Variants in PSG8 observed in about 807,000 individuals in gnomAD.
PSG8 encodes the protein pregnancy specific beta-1-glycoprotein 8, also known as pregnancy-specific beta-1-glycoprotein 8.
In PSG8, 57 loss-of-function variants were observed where a neutral mutation model predicts 42.5. The ratio of observed to expected loss-of-function variants is 1.34; its 90% CI spans 1.08 to 1.67. PSG8 has a LOEUF of 1.67. Among genes scored for constraint, PSG8 ranks in the 40% most tolerant of loss-of-function variants. PSG8 has a pLI of 0.00. For missense variants in PSG8, 783 were observed against 518.6 expected, an observed-to-expected ratio of 1.51 and a Z score of -4.95; for synonymous variants, 280 against 196.8, an observed-to-expected ratio of 1.42 and a Z score of -3.54.
At position 42,763,357 on chromosome 19, in the gene PSG8, ATGAGGCTC is replaced by A. The variant is rs544137218; in HGVS notation, c.430+551_430+558del. 3.0e-4 allele frequency among the ~76,000 whole-genome samples: 46 copies of A among 152,252 alleles called. 2 individuals carry two copies. The South Asian group carries it at 9.1e-3, about 30-fold the overall frequency. ...TGAAGAAAACTCTGTCCTTGCCCAG[ATGAGGCTC>A]TGAGGGCTGAGCCCTGGCTGGTGAA... On this transcript the variant is annotated intron_variant, in intron 2 of 4. Coordinates refer to ENST00000306511, the MANE Select transcript of PSG8 (RefSeq NM_182707.3).
downstream of PSG8, chr19:42,753,972 T>G (rs1403896092): frequency 2.6e-5 from 16 of 626,438 alleles, no homozygotes; most frequent in Non-Finnish European, 4.3e-5. Context: ...ATTGAACTGC[T>G]ATAAGCTACA....
downstream of PSG8, chr19:42,752,894 A>G (rs150844587): frequency 6.8e-3 from 1,745 of 257,634 alleles, 32 homozygotes; most frequent in African/African-American, 0.036. Context: ...TTCTATTGGG[A>G]GTCCTGTATG....
intron 3 of PSG8, chr19:42,755,601 T>C (rs1031625230): frequency 2.7e-4 from 115 of 423,458 alleles, no homozygotes; most frequent in Non-Finnish European, 3.8e-4. Flanking sequence ...CCTGGGTTCC[T>C]TACCTGGAAT....
rs116299426 is a variant in PSG8, at chr19:42,758,096, C to A, written c.615G>T (p.Leu205Phe). The part of the protein sequence containing the change: ...LSETNRTLFL[L>F]GVTKYTAGPY... ...GTCCTGCAGTGTACTTTGTGACACCCAATAGAAAGAGGGTCCTGTTGGTTT... is the reference window on the plus strand; with the variant it reads ...GTCCTGCAGTGTACTTTGTGACACCAAATAGAAAGAGGGTCCTGTTGGTTT... The change falls in exon 3 of 5, where the codon TTG (leucine) becomes TTT (phenylalanine). Residue 205 changes from leucine to phenylalanine, a missense_variant. Coordinates refer to ENST00000306511, the MANE Select transcript of PSG8 (RefSeq NM_182707.3). 310 of 1,613,972 alleles carry A rather than the reference C, an allele frequency of 1.9e-4. 1 individual carries two copies. Among genetic ancestry groups the A allele is most frequent in the East Asian group, 1.2e-3 (56 of 44,876 alleles).
intron 2 of PSG8, among the ~76,000 whole-genome samples, chr19:42,761,034 G>A (rs1160631080): frequency 6.6e-6 from 1 of 152,064 alleles, no homozygotes; most frequent in Non-Finnish European, 1.5e-5. Flanking sequence ...ATAGCAGGTT[G>A]AGGATGGAGT....
intron 4 of PSG8, 199 bp downstream of exon 4, chr19:42,754,789 C>G (rs377008483): frequency 0.035 from 45,803 of 1,292,542 alleles, no homozygotes; most frequent in Non-Finnish European, 0.044. Context: ...TCTCCCATGA[C>G]AAGAGCGTCC....
downstream of PSG8, chr19:42,752,698 G>A (rs148329713): frequency 0.031 from 4,883 of 159,888 alleles, 250 homozygotes; most frequent in African/African-American, 0.11. Context: ...ATTAGCAAAT[G>A]TGGTACATGT....
intron 3 of PSG8, among the ~76,000 whole-genome samples, chr19:42,756,727 C>T (rs1314952653): frequency 6.6e-6 from 1 of 152,072 alleles, no homozygotes; most frequent in Non-Finnish European, 1.5e-5. Flanking sequence ...GGATGTGAAG[C>T]CTTTGAAGGC....
At chr19:42,759,821 T>C (rs1399665521) in intron 2 of PSG8, among the ~76,000 whole-genome samples, 3 of 152,170 alleles carry the variant, frequency 2.0e-5, no homozygotes, top group Non-Finnish European at 2.9e-5. Flanking sequence ...TAGTAGTATT[T>C]CTCTTGAGAC....
downstream of PSG8, chr19:42,753,303 G>T (rs1367570772): frequency 6.4e-6 from 5 of 780,250 alleles, no homozygotes; most frequent in East Asian, 9.7e-5. Context: ...GGAACAGAGT[G>T]GGTCTTTTTC....
At chr19:42,758,515 T>C in intron 2 of PSG8, 1 of 932,864 alleles carries the variant, frequency 1.1e-6, no homozygotes, top group Non-Finnish European at 1.5e-6. Flanking sequence ...AGCAGCAGCA[T>C]TGGGTCATGG....
chr19:42,763,340 A>G (rs116163022), intron 2 of PSG8, among the ~76,000 whole-genome samples: 5,069 of 151,844 alleles, frequency 0.033, 277 homozygotes, highest in African/African-American at 0.12. Flanking sequence ...GGTGAAGAAA[A>G]CTCTGTCCTT....
At chr19:42,757,313 T>C (rs929538881) in intron 3 of PSG8, among the ~76,000 whole-genome samples, 10 of 152,056 alleles carry the variant, frequency 6.6e-5, no homozygotes, top group African/African-American at 2.4e-4. Context: ...CTGGAAAACA[T>C]AGTGCCAATG....
At chr19:42,761,580 G>C (rs1338089659) in intron 2 of PSG8, among the ~76,000 whole-genome samples, 4 of 152,080 alleles carry the variant, frequency 2.6e-5, no homozygotes, top group Admixed American at 1.3e-4. Flanking sequence ...CAGTCATGTG[G>C]TCCCTACCTA....
At chr19:42,757,912 C>A in intron 3 of PSG8, 90 bp downstream of exon 3, 1 of 1,613,338 alleles carries the variant, frequency 6.2e-7, no homozygotes, top group Non-Finnish European at 8.5e-7. Context: ...GGTCTCTGTA[C>A]TTGGACCTGA....
chr19:42,753,217 T>A (rs1435736728), downstream of PSG8: 17 of 772,356 alleles, frequency 2.2e-5, no homozygotes, highest in East Asian at 4.1e-4. Flanking sequence ...GAGTTCTGAG[T>A]GGCTCACCCT....
chr19:42,754,227 C>G, downstream of PSG8: 3 of 1,584,566 alleles, frequency 1.9e-6, no homozygotes, highest in Non-Finnish European at 2.6e-6. Context: ...TTTGCTTGTG[C>G]CCATGGGACG....
At chr19:42,761,820 ATTTTTTTTTTTTT>A (rs58868359) in intron 2 of PSG8, among the ~76,000 whole-genome samples, 205 of 70,412 alleles carry the variant, frequency 2.9e-3, no homozygotes, top group East Asian at 9.4e-3. Flanking sequence ...CATTTCAATA[ATTTTTTTTTTTTT>A]TTTTTTTTTT....
chr19:42,759,368 G>T (rs968189295), intron 2 of PSG8, among the ~76,000 whole-genome samples: 5 of 152,130 alleles, frequency 3.3e-5, no homozygotes, highest in African/African-American at 1.2e-4. Flanking sequence ...TTTCAGTTAT[G>T]CAGGATGAGG....
Sources: gnomAD v4.1 joint callset for allele counts (sites outside exome capture counted in the v4.1 genomes callset) on GRCh38, gnomAD v4.1.1 for gene constraint, MANE v1.5 for transcripts, NCBI Gene and HGNC (gene_info 2026-07-23, HGNC 2026-07-21) for gene names.